The following RBM5 variants were observed in gnomAD, a reference collection of about 807,000 sequenced individuals.
RBM5 encodes RNA binding motif protein 5.
A neutral mutation model predicts 124.6 loss-of-function variants in RBM5; 15 were observed. That is an observed-to-expected ratio of 0.12 (90% CI 0.08 to 0.19). RBM5 has a LOEUF of 0.19. Ranked by LOEUF, RBM5 falls within the 10% of genes least tolerant of loss-of-function variation. The probability of loss-of-function intolerance (pLI) is 1.00; values close to 1 mark genes in which losing one functional copy is unlikely to be tolerated. For synonymous variants in RBM5, 337 were observed against 361.2 expected (o/e 0.93, Z 0.76); for missense variants, 580 against 1,026.5 (o/e 0.57, Z 5.94).
At chr3:50,108,033 A>AATTTTTTTC (rs1444581435) in intron 12 of RBM5, 37 bp from the exon 13 acceptor site, 2 of 1,540,346 alleles carry the variant, frequency 1.3e-6, no homozygotes, top group South Asian at 2.2e-5. Flanking sequence ...CTTAATGCCT[A>AATTTTTTTC]CTAAGTTTGT....
chr3:50,094,111 A>G lies in RBM5; in HGVS notation c.339+236A>G, dbSNP rs779519514. On this transcript the variant is annotated intron_variant, in intron 4 of 24. Coordinates refer to ENST00000347869, the MANE Select transcript of RBM5 (RefSeq NM_005778.4). ...CATGAAATTCATTTGTATTTTGTAT[A>G]TGTCTTATACATGCCAAAGGTAATT... 13 of 403,910 alleles carry G rather than the reference A, an allele frequency of 3.2e-5. No individual in the cohort carries two copies. The highest frequency in any genetic ancestry group is 1.5e-4 in the East Asian group (4 of 26,954). The allele number at this position is 403,910 out of a possible 1,614,324, so 25.0% of individuals were successfully genotyped here.
chr3:50,114,026 T>C lies in RBM5; in HGVS notation c.1694T>C (p.Val565Ala). 2 of 1,614,218 alleles carry C rather than the reference T, an allele frequency of 1.2e-6. No individual in the cohort carries two copies. The highest frequency in any genetic ancestry group is 1.7e-6 in the Non-Finnish European group (2 of 1,180,042). The change falls in exon 19 of 25, where the codon GTC becomes GCC. Residue 565 changes from valine to alanine, a missense_variant. Val to Ala is a moderately conservative substitution (Grantham distance 64). Transcript: ENST00000347869. ...AACTTTAAAAATAGCTTTCAGCCTG[T>C]CAATTCCTTGAGGGAAGAAGAAAGG... ...KENFKNSFQP[V>A]NSLREEERRE...
intron 18 of RBM5, 146 bp downstream of exon 18, chr3:50,113,690 A>G (rs2091189344): frequency 9.4e-7 from 1 of 1,064,824 alleles, no homozygotes; most frequent in East Asian, 2.7e-5. Flanking sequence ...GCATTTTGCA[A>G]TTTGTTATTG....
intron 10 of RBM5, 128 bp from the exon 11 acceptor site, chr3:50,106,639 C>T (rs981594586): frequency 1.2e-5 from 8 of 664,684 alleles, no homozygotes; most frequent in Non-Finnish European, 2.0e-5. Context: ...GGTTTCATAT[C>T]TGCAAACACA....
At chr3:50,092,912 A>G (rs2090729547) in intron 3 of RBM5, 1 of 198,434 alleles carries the variant, frequency 5.0e-6, no homozygotes, top group African/African-American at 2.6e-5. Flanking sequence ...AATAATAAAT[A>G]TAAGTTGTTG....
At position 50,100,647 on chromosome 3, in the gene RBM5, C is replaced by T. The variant is rs771102950; in HGVS notation, c.483+42C>T. On this transcript the variant is annotated intron_variant, in intron 6 of 24. Transcript: ENST00000347869. This position sits in a 1 kb window ranked among gnomAD's most constrained non-coding sequence, Gnocchi z 5.1. ...AGTCTAGATATTCATGAAAATGGAA[C>T]AAGTCTGTACAATTTTAAAAAAAGG... 6.7e-7 allele frequency: 1 copy of T among 1,484,892 alleles called. No homozygotes were observed. The highest frequency in any genetic ancestry group is 1.2e-5 in the South Asian group (1 of 86,862). 92.0% of individuals were successfully genotyped at this position (1,484,892 alleles called of 1,614,324 possible).
chr3:50,097,257 G>T (rs1461902548), intron 4 of RBM5, among the ~76,000 whole-genome samples: 1 of 152,100 alleles, frequency 6.6e-6, no homozygotes. Flanking sequence ...TTAGCCAGCC[G>T]TGGTGGCGGG....
At chr3:50,116,086 G>C in intron 22 of RBM5, 106 bp downstream of exon 22, 5 of 1,081,572 alleles carry the variant, frequency 4.6e-6, no homozygotes, top group Non-Finnish European at 7.0e-6. Context: ...AGGAGGATTT[G>C]TCATACCCTT....
At chr3:50,110,845 A>G (rs183198005) in intron 17 of RBM5, 75 bp downstream of exon 17, 166 of 1,195,156 alleles carry the variant, frequency 1.4e-4, no homozygotes, top group Non-Finnish European at 1.7e-4. Flanking sequence ...ATAAAATGAA[A>G]TATTTCCTGC....
intron 1 of RBM5, chr3:50,090,095 G>A (rs139063904): frequency 5.1e-4 from 114 of 222,086 alleles, no homozygotes; most frequent in Non-Finnish European, 8.0e-4. Context: ...TAATTCTAAG[G>A]TAGGAGCAGG....
At chr3:50,093,615 T>C (rs2090750464) in intron 3 of RBM5, 105 bp from the exon 4 acceptor site, 1 of 1,271,046 alleles carries the variant, frequency 7.9e-7, no homozygotes, top group South Asian at 1.4e-5. Context: ...GGAGTGCTTG[T>C]GTAATCTCTG....
At chr3:50,116,001 C>A (rs1330641157) in intron 22 of RBM5, 21 bp downstream of exon 22, 2 of 1,591,464 alleles carry the variant, frequency 1.3e-6, no homozygotes, top group Non-Finnish European at 8.6e-7. Context: ...AACTGTGCCA[C>A]AAGGAAGAGG....
intron 22 of RBM5, chr3:50,116,291 G>A (rs1244336545): frequency 3.3e-6 from 1 of 302,840 alleles, no homozygotes; most frequent in Non-Finnish European, 6.2e-6. Flanking sequence ...GGCCTGGCCA[G>A]GGAAGCCTTC....
At position 50,113,436 on chromosome 3, in the gene RBM5, G is replaced by T; in HGVS notation, c.1509G>T (p.Glu503Asp). The T allele has an allele frequency of 1.4e-5, 22 of 1,614,060 alleles. No individual in the cohort carries two copies. The highest frequency in any genetic ancestry group is 1.9e-5 in the Non-Finnish European group (22 of 1,180,000). The change falls in exon 18 of 25, where the codon GAG becomes GAT. Residue 503 changes from glutamate to aspartate, a missense_variant. Coordinates refer to ENST00000347869, the MANE Select transcript of RBM5 (RefSeq NM_005778.4). The stretch of plus-strand genomic sequence containing the variant: ...ACCTTTACTGGGATGGGGAAAAAGA[G>T]ACCTACGTGCCAGCTGCAGAGTCTA... Reference protein sequence around the residue: ...QQYLYWDGEKETYVPAAESSS... With the variant: ...QQYLYWDGEKDTYVPAAESSS...
chr3:50,113,205 C>A, intron 17 of RBM5, 178 bp from the exon 18 acceptor site: 1 of 536,100 alleles, frequency 1.9e-6, no homozygotes, highest in Non-Finnish European at 3.3e-6. Context: ...CTAGCAGTGT[C>A]ACACCTCTTT....
chr3:50,105,011 T>A, intron 8 of RBM5, 66 bp from the exon 9 acceptor site: 1 of 1,214,008 alleles, frequency 8.2e-7, no homozygotes, highest in South Asian at 1.3e-5. Context: ...TGTGGGGATT[T>A]TAATGTATTT....
chr3:50,113,629 T>G, intron 18 of RBM5, 85 bp downstream of exon 18: 1 of 1,400,540 alleles, frequency 7.1e-7, no homozygotes, highest in East Asian at 2.5e-5. Context: ...TCAGTATTAT[T>G]TGGATTCTTA....
chr3:50,093,331 C>T (rs977518133), intron 3 of RBM5, among the ~76,000 whole-genome samples: 3 of 151,124 alleles, frequency 2.0e-5, no homozygotes, highest in Admixed American at 6.6e-5. Context: ...CCCAACTACT[C>T]GGGAGGCTGA....
intron 2 of RBM5, among the ~76,000 whole-genome samples, chr3:50,091,413 A>G (rs1011786782): frequency 5.9e-5 from 9 of 152,140 alleles, no homozygotes; most frequent in Non-Finnish European, 1.5e-5. Flanking sequence ...GCCTCTTGTT[A>G]TTAGGTTTTC....
Sources: gnomAD v4.1 joint callset for allele counts (sites outside exome capture counted in the v4.1 genomes callset) on GRCh38, gnomAD v4.1.1 for gene constraint, Gnocchi (gnomAD v3.1) non-coding constraint, MANE v1.5 for transcripts, NCBI Gene and HGNC (gene_info 2026-07-23, HGNC 2026-07-21) for gene names.